The following ITGA8 variants were observed in gnomAD, a reference collection of about 807,000 sequenced individuals.
ITGA8 encodes the protein integrin alpha-8.
A neutral mutation model predicts 142.3 loss-of-function variants in ITGA8; 91 were observed. That is an observed-to-expected ratio of 0.64 (90% confidence interval 0.54 to 0.76). The LOEUF (loss-of-function observed/expected upper bound fraction) is 0.76. Among genes scored for constraint, ITGA8 ranks in the 30% least tolerant of loss-of-function variants. ITGA8 has a pLI of 0.00. For synonymous variants in ITGA8, 505 were observed against 485.2 expected (o/e 1.04, Z -0.54); for missense variants, 1,406 against 1,327.7 (o/e 1.06, Z -0.92).
intron 11 of ITGA8, among the ~76,000 whole-genome samples, chr10:15,654,944 C>T (rs1834155389): frequency 6.6e-6 from 1 of 152,166 alleles, no homozygotes; most frequent in Non-Finnish European, 1.5e-5. Flanking sequence ...ACAATTTCGT[C>T]TTCTCCATGG....
chr10:15,554,915 T>C (rs771087732), intron 26 of ITGA8, among the ~76,000 whole-genome samples: 13 of 152,092 alleles, frequency 8.5e-5, no homozygotes, highest in Non-Finnish European at 1.6e-4. Context: ...AAAGGGGGAA[T>C]TGCAAATCCT....
chr10:15,688,225 C>T (rs756700634), intron 2 of ITGA8, among the ~76,000 whole-genome samples, 187 bp from the exon 3 acceptor site: 35 of 147,220 alleles, frequency 2.4e-4, no homozygotes, highest in Admixed American at 6.4e-4. Context: ...GAAGCTGAAG[C>T]GGGACGATCA....
intron 13 of ITGA8, among the ~76,000 whole-genome samples, chr10:15,638,222 G>A (rs1212384505): frequency 1.3e-5 from 2 of 152,154 alleles, no homozygotes; most frequent in African/African-American, 2.4e-5. Context: ...TTATATGTCT[G>A]TGTTTTCGGT....
intron 13 of ITGA8, among the ~76,000 whole-genome samples, chr10:15,636,707 T>C (rs1833777863): frequency 1.3e-5 from 2 of 152,306 alleles, no homozygotes; most frequent in South Asian, 4.1e-4. Flanking sequence ...ATTTACACTG[T>C]TGTGTTAGTT....
At chr10:15,535,198 C>T (rs758557518) in intron 27 of ITGA8, among the ~76,000 whole-genome samples, 1 of 152,112 alleles carries the variant, frequency 6.6e-6, no homozygotes, top group Non-Finnish European at 1.5e-5. Context: ...ACCTGCAGCC[C>T]GCCATGCCTG....
intron 8 of ITGA8, among the ~76,000 whole-genome samples, chr10:15,666,441 A>C (rs1187816139): frequency 6.6e-6 from 1 of 152,134 alleles, no homozygotes; most frequent in Non-Finnish European, 1.5e-5. Flanking sequence ...GGTTTTCTAG[A>C]TATACAGTCA....
intron 13 of ITGA8, among the ~76,000 whole-genome samples, chr10:15,617,475 T>C (rs370026610): frequency 2.0e-5 from 3 of 151,948 alleles, no homozygotes; most frequent in African/African-American, 7.2e-5. Flanking sequence ...CTCGGCTCAC[T>C]GAAACCTCCA....
At chr10:15,643,947 T>C in intron 13 of ITGA8, 83 bp downstream of exon 13, 1 of 1,252,706 alleles carries the variant, frequency 8.0e-7, no homozygotes, top group South Asian at 1.6e-5. Flanking sequence ...AGAAGAAAAC[T>C]GCCTTTGCAT....
At chr10:15,590,489 T>G (rs76037756) in intron 22 of ITGA8, among the ~76,000 whole-genome samples, 7,774 of 152,276 alleles carry the variant, frequency 0.051, 260 homozygotes, top group East Asian at 0.12. Flanking sequence ...GGTTGTGTAT[T>G]TTATGAGAGA....
intron 29 of ITGA8, among the ~76,000 whole-genome samples, chr10:15,518,003 C>T (rs747901212): frequency 3.9e-5 from 6 of 152,160 alleles, no homozygotes; most frequent in African/African-American, 9.7e-5. Context: ...ACACATCCCT[C>T]GGTGCTTGGT....
chr10:15,606,465 A>G, intron 17 of ITGA8, 43 bp from the exon 18 acceptor site: 1 of 1,561,152 alleles, frequency 6.4e-7, no homozygotes, highest in Middle Eastern at 2.0e-4. Flanking sequence ...TCCATGAAAT[A>G]GCTGCAAGAT....
rs1447579859 is a variant in ITGA8 at position 15,516,503 on chromosome 10, A to G, written c.*655T>C. On this transcript the variant is annotated 3_prime_UTR_variant, in exon 30 of 30. Coordinates refer to ENST00000378076, the MANE Select transcript of ITGA8 (RefSeq NM_003638.3). Reference sequence around the variant, plus strand: ...GAGTGAGTGATTTTGAAAACTAGCTAACCAAATCTTAATTTCCAAATTCTC... The same window carrying G: ...GAGTGAGTGATTTTGAAAACTAGCTGACCAAATCTTAATTTCCAAATTCTC... 2 of 152,236 alleles carry G rather than the reference A, an allele frequency of 1.3e-5. No homozygotes were observed. The highest frequency in any genetic ancestry group is 2.9e-5 in the Non-Finnish European group (2 of 68,038). 9.4% of individuals were successfully genotyped at this position (152,236 alleles called of 1,614,324 possible).
intron 13 of ITGA8, among the ~76,000 whole-genome samples, chr10:15,617,123 A>G (rs1833408325): frequency 1.3e-5 from 2 of 152,264 alleles, no homozygotes. Context: ...AGCAATCCTA[A>G]TAAATAGCAC....
At chr10:15,595,034 C>T (rs895806399) in intron 21 of ITGA8, among the ~76,000 whole-genome samples, 13 of 152,106 alleles carry the variant, frequency 8.5e-5, no homozygotes, top group Non-Finnish European at 1.5e-4. Context: ...TTGACCCCAC[C>T]GTTTAAAAAA....
Position 15,719,579 on chromosome 10 carries a change from T to C in ITGA8, c.193A>G (p.Ile65Val), listed in dbSNP as rs1420525031. The change falls in exon 1 of 30, where the codon ATA becomes GTA. Residue 65 changes from isoleucine to valine, a missense_variant. Ile to Val is a conservative substitution (Grantham distance 29). Transcript: ENST00000378076. ...GCGACTTACGTGCGGGCGTCGGGTA[T>C]GTGGAAGTCCACGGCGTAGCCGAAG... ...SYFGYAVDFH[I>V]PDARTASVLV... The C allele has an allele frequency of 6.4e-7, 1 of 1,564,188 alleles. No homozygotes were observed. The highest frequency in any genetic ancestry group is 8.6e-7 in the Non-Finnish European group (1 of 1,162,766).
chr10:15,689,240 G>T (rs1834887977), intron 2 of ITGA8, among the ~76,000 whole-genome samples: 3 of 152,168 alleles, frequency 2.0e-5, no homozygotes, highest in Non-Finnish European at 4.4e-5. Flanking sequence ...GACTAGAGGG[G>T]CCTAACACTT....
chr10:15,517,036 TCC>T lies in ITGA8; in HGVS notation c.*120_*121del. On this transcript the variant is annotated 3_prime_UTR_variant, in exon 30 of 30. Transcript: ENST00000378076. ...TGTAGATGAGGTGATGTTTCCAGGG[TCC>T]CCTCCATTTCCTGGGTCACTGTCAG... The T allele has an allele frequency of 4.1e-6, 2 of 487,234 alleles. No homozygotes were observed. The highest frequency in any genetic ancestry group is 3.4e-6 in the Non-Finnish European group (1 of 298,358). The allele number at this position is 487,234 out of a possible 1,614,324, so 30.2% of individuals were successfully genotyped here.
chr10:15,707,533 A>G (rs1394357542), intron 2 of ITGA8, among the ~76,000 whole-genome samples: 1 of 152,148 alleles, frequency 6.6e-6, no homozygotes, highest in East Asian at 1.9e-4. Flanking sequence ...GAACTATAAG[A>G]TAATCAAGGC....
intron 27 of ITGA8, among the ~76,000 whole-genome samples, chr10:15,544,651 G>C (rs115654409): frequency 1.3e-5 from 2 of 152,156 alleles, no homozygotes; most frequent in African/African-American, 4.8e-5. Flanking sequence ...GTTGGCTAAC[G>C]ATCTGTGGTA....
Sources: allele counts gnomAD v4.1 joint callset (sites outside exome capture counted in the v4.1 genomes callset), GRCh38; gene constraint gnomAD v4.1.1; transcripts MANE v1.5; gene names NCBI Gene and HGNC (gene_info 2026-07-23, HGNC 2026-07-21).